Variants in KALRN observed in about 807,000 individuals in gnomAD.
The protein encoded by KALRN is kalirin RhoGEF kinase.
KALRN carries 70 observed loss-of-function variants against 353.7 expected under a neutral mutation model. The observed-to-expected ratio is 0.20, with a 90% CI of 0.16 to 0.24. KALRN has a LOEUF of 0.24. KALRN is among the 10% of genes least tolerant of loss of function. The probability of loss-of-function intolerance (pLI) is 1.00; values close to 1 mark genes in which losing one functional copy is unlikely to be tolerated. For synonymous variants in KALRN, 1,391 were observed against 1,434.8 expected, an observed-to-expected ratio of 0.97 and a Z score of 0.69; for missense variants, 2,791 against 3,756.7, an observed-to-expected ratio of 0.74 and a Z score of 6.72.
chr3:124,115,473 C>T (rs183631903), intron 1 of KALRN, among the ~76,000 whole-genome samples: 48 of 152,286 alleles, frequency 3.2e-4, no homozygotes, highest in Non-Finnish European at 2.9e-5. Context: ...ACCCACTTCT[C>T]TGTTTTGGGC....
At chr3:124,058,861 A>G (rs2041777808) in intron 1 of KALRN, among the ~76,000 whole-genome samples, 1 of 152,152 alleles carries the variant, frequency 6.6e-6, no homozygotes, top group Admixed American at 6.5e-5. Flanking sequence ...TTTTTAAAAA[A>G]ACTATATTAT....
intron 34 of KALRN, among the ~76,000 whole-genome samples, chr3:124,610,295 C>T (rs2077789998): frequency 6.6e-6 from 1 of 152,180 alleles, no homozygotes; most frequent in African/African-American, 2.4e-5. Flanking sequence ...CTATTACTCA[C>T]AGTTCCCCAA....
At chr3:124,612,528 G>A (rs764865812) in intron 34 of KALRN, among the ~76,000 whole-genome samples, 5 of 152,168 alleles carry the variant, frequency 3.3e-5, no homozygotes, top group Non-Finnish European at 5.9e-5. Context: ...ATAGAGATGG[G>A]GTTTCACCAT....
chr3:124,614,772 A>G (rs138811310), intron 34 of KALRN, among the ~76,000 whole-genome samples: 12 of 151,980 alleles, frequency 7.9e-5, no homozygotes, highest in Non-Finnish European at 1.3e-4. Flanking sequence ...GGGTCTCACT[A>G]TGTTTCCCAG....
Position 124,495,957 on chromosome 3 carries a change from G to GTATATATATATATATATATA in KALRN, c.4833-351_4833-350insATATATATATATATATATAT, listed in dbSNP as rs201949824. On this transcript the variant is annotated intron_variant, in intron 32 of 59. Transcript: ENST00000682506. Reference sequence around the variant, plus strand: ...GACCCGTTCCCAAGTGTGTGTATGTGTATGTATGTATATATATATATATAT... The same window carrying GTATATATATATATATATATA: ...GACCCGTTCCCAAGTGTGTGTATGTGTATATATATATATATATATATATGTATGTATATATATATATATAT... Among the ~76,000 whole-genome samples, 54 of 44,228 alleles carry GTATATATATATATATATATA rather than the reference G, an allele frequency of 1.2e-3. 3 individuals are homozygous for GTATATATATATATATATATA. In the East Asian group the frequency reaches 0.036, roughly 29 times the overall value. The allele number at this position is 44,228 out of a possible 152,430, so 29.0% of individuals were successfully genotyped here. A position where few individuals can be genotyped will look rare whatever the true frequency, so the allele number is the denominator to read the frequency against.
chr3:124,273,757 G>A (rs2074409212), intron 5 of KALRN, among the ~76,000 whole-genome samples: 1 of 151,550 alleles, frequency 6.6e-6, no homozygotes, highest in Admixed American at 6.6e-5. Flanking sequence ...GAAACACAGA[G>A]TAATTCAGAG....
intron 57 of KALRN, among the ~76,000 whole-genome samples, chr3:124,710,633 C>G (rs995908400): frequency 1.3e-5 from 2 of 151,948 alleles, no homozygotes; most frequent in Non-Finnish European, 2.9e-5. Flanking sequence ...CAAAAAAATA[C>G]AAAAAATTAG....
chr3:124,485,778 G>A (rs575865167), intron 28 of KALRN, among the ~76,000 whole-genome samples: 2 of 152,258 alleles, frequency 1.3e-5, no homozygotes, highest in Admixed American at 6.5e-5. Flanking sequence ...TACTTGGGAG[G>A]CTGAGACAGG....
intron 34 of KALRN, among the ~76,000 whole-genome samples, chr3:124,577,457 C>A (rs531499924): frequency 3.8e-4 from 58 of 152,216 alleles, no homozygotes; most frequent in African/African-American, 1.3e-3. Flanking sequence ...TTAGACCACA[C>A]TAAACAGAGA....
chr3:124,236,583 C>T (rs539766324), intron 3 of KALRN, among the ~76,000 whole-genome samples: 2 of 152,282 alleles, frequency 1.3e-5, no homozygotes, highest in East Asian at 1.9e-4. Flanking sequence ...TTCTTTCCTG[C>T]GTGTTCATCA....
intron 6 of KALRN, 95 bp from the exon 7 acceptor site, chr3:124,325,885 T>C (rs766407538): frequency 9.7e-7 from 1 of 1,026,224 alleles, no homozygotes; most frequent in South Asian, 1.6e-5. Context: ...GACTTTTGTT[T>C]TGGGCAGCTC....
chr3:124,353,708 C>A (rs554653558), intron 10 of KALRN, among the ~76,000 whole-genome samples: 107 of 151,846 alleles, frequency 7.0e-4, no homozygotes, highest in South Asian at 2.5e-3. Context: ...TAAATAGATG[C>A]TTTTTCACAC....
intron 1 of KALRN, among the ~76,000 whole-genome samples, chr3:124,212,335 T>G (rs2076971807): frequency 6.6e-6 from 1 of 151,898 alleles, no homozygotes; most frequent in Non-Finnish European, 1.5e-5. Context: ...AAAAGTTGAG[T>G]CTCAGCAATC....
At chr3:124,565,056 A>G (rs2072630182) in intron 34 of KALRN, among the ~76,000 whole-genome samples, 1 of 152,226 alleles carries the variant, frequency 6.6e-6, no homozygotes, top group Non-Finnish European at 1.5e-5. Flanking sequence ...AACTCAGAAC[A>G]TATTTAAAAC....
chr3:124,280,279 T>C (rs2075210030), intron 5 of KALRN, among the ~76,000 whole-genome samples: 1 of 152,222 alleles, frequency 6.6e-6, no homozygotes, highest in African/African-American at 2.4e-5. Flanking sequence ...TCCACTGTTC[T>C]GTAGCCCCAG....
chr3:124,108,579 C>G lies in KALRN; in HGVS notation c.73+74766C>G, dbSNP rs2062542457. ...AAACGTGAGCAGAAGTCAGGTATTT[C>G]ATTTCCAAGTGGAAGCTTTAAAAGC... On this transcript the variant is annotated intron_variant, in intron 1 of 59. Coordinates refer to ENST00000682506, the MANE Select transcript of KALRN (RefSeq NM_001388419.1). Among the ~76,000 whole-genome samples, 9 of 152,290 alleles carry G rather than the reference C, an allele frequency of 5.9e-5. No individual in the cohort carries two copies. The South Asian group carries it at 1.7e-3, about 28-fold the overall frequency.
intron 1 of KALRN, among the ~76,000 whole-genome samples, chr3:124,170,206 G>A (rs769754916): frequency 3.9e-5 from 6 of 152,196 alleles, no homozygotes; most frequent in African/African-American, 2.4e-5. Context: ...AACCTTTAGC[G>A]CCTTCCTGGC....
intron 13 of KALRN, among the ~76,000 whole-genome samples, chr3:124,399,418 A>T (rs1428750728): frequency 3.3e-5 from 5 of 152,208 alleles, no homozygotes; most frequent in Non-Finnish European, 7.3e-5. Flanking sequence ...GATTACAGGC[A>T]TGAGCCACTG....
intron 1 of KALRN, among the ~76,000 whole-genome samples, chr3:124,217,624 A>G (rs1018481677): frequency 6.6e-6 from 1 of 152,020 alleles, no homozygotes; most frequent in African/African-American, 2.4e-5. Context: ...ATATCTTAAC[A>G]TCTCTTTCAT....
Sources: allele counts gnomAD v4.1 joint callset (sites outside exome capture counted in the v4.1 genomes callset), GRCh38; gene constraint gnomAD v4.1.1; transcripts MANE v1.5; gene names NCBI Gene and HGNC (gene_info 2026-07-23, HGNC 2026-07-21).